NR6A1: variants seen among roughly 807,000 people sequenced by gnomAD.
NR6A1 encodes retinoic acid receptor-related testis-associated receptor.
NR6A1 carries 7 observed loss-of-function variants against 59.1 expected under a neutral mutation model. The ratio of observed to expected loss-of-function variants is 0.12; its 90% CI spans 0.07 to 0.22. The LOEUF (loss-of-function observed/expected upper bound fraction) is 0.22, where lower values mean the gene tolerates loss of function less well. NR6A1 is among the 10% of genes least tolerant of loss of function. The pLI is 1.00. For synonymous variants in NR6A1, 243 were observed against 236.1 expected (o/e 1.03, Z -0.27); for missense variants, 468 against 611.6 (o/e 0.77, Z 2.48).
At chr9:124,590,259 T>A (rs916076157) in intron 2 of NR6A1, among the ~76,000 whole-genome samples, 1 of 151,878 alleles carries the variant, frequency 6.6e-6, no homozygotes, top group African/African-American at 2.4e-5. Flanking sequence ...AATTTTACCA[T>A]GTTAAGAAAA....
intron 2 of NR6A1, among the ~76,000 whole-genome samples, chr9:124,648,177 T>G (rs1194444202): frequency 1.3e-5 from 2 of 152,076 alleles, no homozygotes; most frequent in African/African-American, 4.8e-5. Context: ...CAGGATATGT[T>G]ACATTAACAG....
chr9:124,710,008 G>A (rs1839231001), intron 2 of NR6A1, among the ~76,000 whole-genome samples: 1 of 151,158 alleles, frequency 6.6e-6, no homozygotes, highest in Admixed American at 6.6e-5. Context: ...ACTAGCTTGA[G>A]AGTGTTTCTG....
intron 7 of NR6A1, among the ~76,000 whole-genome samples, chr9:124,529,124 A>G (rs535374870): frequency 2.0e-5 from 3 of 152,246 alleles, no homozygotes; most frequent in Non-Finnish European, 4.4e-5. Context: ...ACCTGGCCCA[A>G]TGGCTTTTAC....
At chr9:124,564,945 A>C (rs1834193850) in intron 2 of NR6A1, among the ~76,000 whole-genome samples, 1 of 152,238 alleles carries the variant, frequency 6.6e-6, no homozygotes, top group Admixed American at 6.5e-5. Flanking sequence ...ATGGCATTGC[A>C]GAGCACTGAG....
chr9:124,530,455 T>C (rs1316741967), intron 7 of NR6A1, among the ~76,000 whole-genome samples: 10 of 152,212 alleles, frequency 6.6e-5, no homozygotes, highest in Non-Finnish European at 1.5e-5. Context: ...TGCCCCTGTA[T>C]TCACTGTCTA....
chr9:124,757,461 CA>C (rs34265467), intron 1 of NR6A1, among the ~76,000 whole-genome samples: 4,090 of 110,396 alleles, frequency 0.037, 123 homozygotes, highest in African/African-American at 0.11. Context: ...TAAAAAAATG[CA>C]AAAAAAAAAA....
At chr9:124,734,981 A>G (rs919591037) in intron 1 of NR6A1, among the ~76,000 whole-genome samples, 6 of 152,116 alleles carry the variant, frequency 3.9e-5, no homozygotes, top group African/African-American at 1.4e-4. Flanking sequence ...AGCAGCTGGG[A>G]TTACAGGCAC....
At chr9:124,570,253 C>T (rs1026368778) in intron 2 of NR6A1, among the ~76,000 whole-genome samples, 4 of 152,012 alleles carry the variant, frequency 2.6e-5, no homozygotes, top group African/African-American at 4.8e-5. Context: ...CTTTCCCCTC[C>T]AGCCTGCTTT....
intron 2 of NR6A1, among the ~76,000 whole-genome samples, chr9:124,640,067 G>GA (rs1341824685): frequency 2.0e-5 from 3 of 152,106 alleles, no homozygotes; most frequent in Non-Finnish European, 1.5e-5. Flanking sequence ...GGAAATTTGA[G>GA]AAAAAACATA....
chr9:124,664,891 G>A (rs1160548334), intron 2 of NR6A1, among the ~76,000 whole-genome samples: 1 of 151,680 alleles, frequency 6.6e-6, no homozygotes, highest in Non-Finnish European at 1.5e-5. Flanking sequence ...AAATGGCAGG[G>A]GCCAGCGACG....
intron 1 of NR6A1, among the ~76,000 whole-genome samples, chr9:124,750,295 T>C (rs557135977): frequency 6.6e-6 from 1 of 152,332 alleles, no homozygotes; most frequent in South Asian, 2.1e-4. Flanking sequence ...GGAGTTCTGC[T>C]TCCATGTCAC....
At chr9:124,729,887 A>T (rs1198244272) in intron 2 of NR6A1, among the ~76,000 whole-genome samples, 1 of 147,508 alleles carries the variant, frequency 6.8e-6, no homozygotes, top group Non-Finnish European at 1.5e-5. Flanking sequence ...ATCTCGGCTT[A>T]CCGCAACCTC....
chr9:124,661,861 C>T (rs147914070), intron 2 of NR6A1, among the ~76,000 whole-genome samples: 159 of 152,310 alleles, frequency 1.0e-3, no homozygotes, highest in African/African-American at 3.4e-3. Context: ...TCAATAGCCT[C>T]ATGTGACTAT....
intron 2 of NR6A1, among the ~76,000 whole-genome samples, chr9:124,672,126 T>A (rs749841027): frequency 1.3e-5 from 2 of 152,208 alleles, no homozygotes; most frequent in Non-Finnish European, 2.9e-5. Flanking sequence ...CTGCGGCATG[T>A]TGTGATGGTG....
intron 2 of NR6A1, among the ~76,000 whole-genome samples, chr9:124,731,526 T>C (rs1332603813): frequency 1.3e-5 from 2 of 152,160 alleles, no homozygotes; most frequent in African/African-American, 4.8e-5. Context: ...CGCAGACTTT[T>C]TTCAATAAAA....
chr9:124,657,124 C>A (rs935623755), intron 2 of NR6A1, among the ~76,000 whole-genome samples: 2 of 152,108 alleles, frequency 1.3e-5, no homozygotes, highest in African/African-American at 4.8e-5. Context: ...TTACAAAAAG[C>A]AAGAGAGTGC....
chr9:124,750,534 G>A (rs987739015), intron 1 of NR6A1, among the ~76,000 whole-genome samples: 1 of 152,168 alleles, frequency 6.6e-6, no homozygotes, highest in East Asian at 1.9e-4. Context: ...GCCGAGGCAG[G>A]CGGATCACGA....
At position 124,760,311 on chromosome 9, in the gene NR6A1, A is replaced by C. The variant is rs533357546; in HGVS notation, c.100+10709T>G. 6.0e-4 allele frequency among the ~76,000 whole-genome samples: 91 copies of C among 150,806 alleles called. 1 individual carries two copies. The South Asian group carries it at 0.018, about 30-fold the overall frequency. ...TGGGAGACAGAGTGAGACTCCAACT[A>C]AAAAAAAATAAATAAATAAAAATAA... On this transcript the variant is annotated intron_variant, in intron 1 of 9. Transcript: ENST00000487099.
At chr9:124,724,793 C>T (rs1441902791) in intron 2 of NR6A1, among the ~76,000 whole-genome samples, 2 of 152,162 alleles carry the variant, frequency 1.3e-5, no homozygotes, top group Non-Finnish European at 2.9e-5. Context: ...GGCCAGTAAC[C>T]GAACACTATC....
Sources: allele counts gnomAD v4.1 joint callset (sites outside exome capture counted in the v4.1 genomes callset), GRCh38; gene constraint gnomAD v4.1.1; transcripts MANE v1.5; gene names NCBI Gene and HGNC (gene_info 2026-07-23, HGNC 2026-07-21).